Variants in GASK1B observed in about 807,000 individuals in gnomAD.
The protein encoded by GASK1B is golgi associated kinase 1B.
GASK1B carries 34 observed loss-of-function variants against 42.8 expected under a neutral mutation model. The observed-to-expected ratio is 0.79, with a 90% CI of 0.60 to 1.06. The LOEUF (loss-of-function observed/expected upper bound fraction) is 1.06. GASK1B is among the 50% of genes least tolerant of loss of function. The pLI, the probability that GASK1B is intolerant of heterozygous loss-of-function variation, is 0.00. For synonymous variants in GASK1B, 262 were observed against 259.1 expected (o/e 1.01, Z -0.11); for missense variants, 686 against 661.0 (o/e 1.04, Z -0.42).
At position 158,127,245 on chromosome 4, in the gene GASK1B, CAGTGCTAAGTCCCA is replaced by C. The variant is rs769621323; in HGVS notation, c.*148_*161del. ...TTCAAAACCTTTTTAAGTATGCATA[CAGTGCTAAGTCCCA>C]TTATAGCTACTTGGTTAAAGTCATT... is the stretch of plus-strand genomic sequence containing the variant. On this transcript the variant is annotated 3_prime_UTR_variant, in exon 5 of 5. Transcript: ENST00000585682. 57 of 566,520 alleles carry C rather than the reference CAGTGCTAAGTCCCA, an allele frequency of 1.0e-4. No homozygotes were observed. The highest frequency in any genetic ancestry group is 1.6e-4 in the Non-Finnish European group (52 of 322,390). 35.1% of individuals were successfully genotyped at this position (566,520 alleles called of 1,614,324 possible). A position where few individuals can be genotyped will look rare whatever the true frequency, so the allele number is the denominator to read the frequency against.
intron 3 of GASK1B, among the ~76,000 whole-genome samples, chr4:158,148,315 A>G (rs1731412791): frequency 6.6e-6 from 1 of 152,226 alleles, no homozygotes; most frequent in Admixed American, 6.5e-5. Flanking sequence ...AAGATTAGCA[A>G]AAATATTAGT....
In GASK1B at chr4:158,124,810, T is replaced by G. The variant is rs1002935060; in HGVS notation, c.*2597A>C. 6.6e-6 allele frequency: 1 copy of G among 152,188 alleles called. No individual in the cohort carries two copies. The highest frequency in any genetic ancestry group is 2.4e-5 in the African/African-American group (1 of 41,446). 9.4% of individuals were successfully genotyped at this position (152,188 alleles called of 1,614,324 possible). On this transcript the variant is annotated 3_prime_UTR_variant, in exon 5 of 5. Coordinates refer to ENST00000585682, the MANE Select transcript of GASK1B (RefSeq NM_001128424.2). ...CTGTACCTAGCTCTGAAAACACATCTACAAAAGCAAATGAACTCATCTGCA... is the reference window on the plus strand; with the variant it reads ...CTGTACCTAGCTCTGAAAACACATCGACAAAAGCAAATGAACTCATCTGCA...
chr4:158,172,339 A>T (rs1367348096), intron 1 of GASK1B: 1 of 152,220 alleles, frequency 6.6e-6, no homozygotes, highest in Non-Finnish European at 1.5e-5. Context: ...CCTTACTTAC[A>T]CAGCTGGCCC....
chr4:158,149,834 A>G (rs1271750647), intron 3 of GASK1B, among the ~76,000 whole-genome samples: 2 of 151,798 alleles, frequency 1.3e-5, no homozygotes, highest in African/African-American at 4.8e-5. Flanking sequence ...CTGTTTAGGA[A>G]CTTACTAACT....
At chr4:158,162,354 C>T (rs1488834187) in intron 2 of GASK1B, among the ~76,000 whole-genome samples, 1 of 152,178 alleles carries the variant, frequency 6.6e-6, no homozygotes, top group Non-Finnish European at 1.5e-5. Context: ...TCTTAGTCCT[C>T]TGGATCTCCA....
intron 3 of GASK1B, among the ~76,000 whole-genome samples, chr4:158,141,624 T>TG (rs1731124306): frequency 3.1e-5 from 2 of 63,716 alleles, no homozygotes; most frequent in African/African-American, 9.7e-5. Context: ...TTTTTTTTTT[T>TG]GAGACGGAAT....
chr4:158,152,434 A>G (rs1469726545), intron 3 of GASK1B, among the ~76,000 whole-genome samples: 4 of 152,180 alleles, frequency 2.6e-5, no homozygotes, highest in African/African-American at 7.2e-5. Flanking sequence ...ATTGTAACCA[A>G]TCCTATGACA....
chr4:158,159,939 G>A (rs187093902), intron 2 of GASK1B, among the ~76,000 whole-genome samples: 1 of 152,156 alleles, frequency 6.6e-6, no homozygotes, highest in Non-Finnish European at 1.5e-5. Flanking sequence ...ATAGGTGAAT[G>A]CTAAGCATGT....
chr4:158,144,953 T>C (rs1324071046), intron 3 of GASK1B, among the ~76,000 whole-genome samples: 1 of 152,212 alleles, frequency 6.6e-6, no homozygotes, highest in Non-Finnish European at 1.5e-5. Flanking sequence ...TGGAGCACCA[T>C]GTCTCTTGCT....
intron 2 of GASK1B, among the ~76,000 whole-genome samples, chr4:158,166,681 C>G (rs1489492885): frequency 6.6e-6 from 1 of 152,064 alleles, no homozygotes; most frequent in Non-Finnish European, 1.5e-5. Context: ...TAGGAAAACT[C>G]AATAACTCTT....
At chr4:158,129,385 G>C (rs1730585573) in intron 4 of GASK1B, among the ~76,000 whole-genome samples, 1 of 152,126 alleles carries the variant, frequency 6.6e-6, no homozygotes, top group East Asian at 1.9e-4. Context: ...GCTTAAAAGA[G>C]AGAACCTGCC....
intron 2 of GASK1B, among the ~76,000 whole-genome samples, chr4:158,166,996 A>G (rs139175687): frequency 1.5e-3 from 236 of 152,324 alleles, no homozygotes; most frequent in African/African-American, 5.4e-3. Flanking sequence ...TTTCATCTCT[A>G]AAATGAGGTT....
intron 2 of GASK1B, among the ~76,000 whole-genome samples, chr4:158,160,728 G>GA (rs1440624567): frequency 6.6e-6 from 1 of 152,020 alleles, no homozygotes; most frequent in Non-Finnish European, 1.5e-5. Flanking sequence ...AAATGGATAA[G>GA]AAAAATGTGT....
At chr4:158,131,225 T>C (rs1173772708) in intron 3 of GASK1B, among the ~76,000 whole-genome samples, 2 of 152,246 alleles carry the variant, frequency 1.3e-5, no homozygotes, top group African/African-American at 4.8e-5. Context: ...CTTCTGCTAA[T>C]AGATCCAAAG....
chr4:158,142,056 T>C (rs1423557947), intron 3 of GASK1B, among the ~76,000 whole-genome samples: 4 of 145,996 alleles, frequency 2.7e-5, no homozygotes, highest in African/African-American at 1.0e-4. Flanking sequence ...GCCATTCTCC[T>C]GCCTCAGCCT....
chr4:158,148,622 AG>A (rs1312496490), intron 3 of GASK1B, among the ~76,000 whole-genome samples: 6 of 152,200 alleles, frequency 3.9e-5, no homozygotes, highest in Non-Finnish European at 8.8e-5. Flanking sequence ...TAAAATCCAG[AG>A]CTCCAATCTT....
chr4:158,136,622 A>G (rs1730902108), intron 3 of GASK1B, among the ~76,000 whole-genome samples: 1 of 152,178 alleles, frequency 6.6e-6, no homozygotes, highest in Non-Finnish European at 1.5e-5. Flanking sequence ...TGTTAGTTAA[A>G]TTAGATAAAC....
intron 3 of GASK1B, among the ~76,000 whole-genome samples, chr4:158,131,311 A>G (rs1465310910): frequency 6.6e-6 from 1 of 152,230 alleles, no homozygotes; most frequent in African/African-American, 2.4e-5. Context: ...ACACATGGCC[A>G]GCACAATCTC....
intron 3 of GASK1B, among the ~76,000 whole-genome samples, chr4:158,140,397 C>T (rs1223406631): frequency 6.6e-6 from 1 of 152,206 alleles, no homozygotes; most frequent in African/African-American, 2.4e-5. Context: ...GTTGAACCAG[C>T]TCTCACTTAA....
Sources: allele counts gnomAD v4.1 joint callset (sites outside exome capture counted in the v4.1 genomes callset), GRCh38; gene constraint gnomAD v4.1.1; transcripts MANE v1.5; gene names NCBI Gene and HGNC (gene_info 2026-07-23, HGNC 2026-07-21).